Variants in ARHGAP21 observed in about 807,000 individuals in gnomAD.
ARHGAP21 encodes Rho GTPase activating protein 21.
A neutral mutation model predicts 164.6 loss-of-function variants in ARHGAP21; 38 were observed. The ratio of observed to expected loss-of-function variants is 0.23; its 90% CI spans 0.18 to 0.30. The LOEUF (loss-of-function observed/expected upper bound fraction) is 0.30. ARHGAP21 is among the 10% of genes least tolerant of loss of function. The pLI is 1.00. For synonymous variants in ARHGAP21, 766 were observed against 857.9 expected, an observed-to-expected ratio of 0.89 and a Z score of 1.87; for missense variants, 1,822 against 2,370.7, an observed-to-expected ratio of 0.77 and a Z score of 4.81.
chr10:24,588,779 AAAGGC>A (rs1369401781), intron 25 of ARHGAP21, among the ~76,000 whole-genome samples: 1 of 152,222 alleles, frequency 6.6e-6, no homozygotes, highest in East Asian at 1.9e-4. Flanking sequence ...ATTTCACTGA[AAAGGC>A]AAGACTATAC....
intron 14 of ARHGAP21, among the ~76,000 whole-genome samples, chr10:24,600,247 C>T (rs1481241574): frequency 6.7e-6 from 1 of 150,310 alleles, no homozygotes; most frequent in Non-Finnish European, 1.5e-5. Flanking sequence ...GTTCTCTTAA[C>T]AAAAATCATC....
intron 4 of ARHGAP21, among the ~76,000 whole-genome samples, chr10:24,666,062 C>T (rs1840165669): frequency 6.6e-6 from 1 of 152,208 alleles, no homozygotes; most frequent in Non-Finnish European, 1.5e-5. Flanking sequence ...CGGAGTCTCG[C>T]CCTGTCCCCC....
intron 9 of ARHGAP21, among the ~76,000 whole-genome samples, chr10:24,615,186 G>A (rs73606520): frequency 0.034 from 5,150 of 152,128 alleles, 263 homozygotes; most frequent in African/African-American, 0.11. Context: ...GTGAAATTCC[G>A]TCTCAAAAAC....
In ARHGAP21 at chr10:24,591,658, CCTT is replaced by C. The variant is rs2076336660; in HGVS notation, c.4025_4027del (p.Glu1342del). 11 of 1,614,052 alleles carry C rather than the reference CCTT, an allele frequency of 6.8e-6. No individual in the cohort carries two copies. Among genetic ancestry groups the C allele is most frequent in the South Asian group, 2.2e-5 (2 of 91,078 alleles). ...AATACTTACAAGAGGCTCTTCAGCACCTTCTTCTGTGAAAAACCAGTCATGCTA... is the reference window on the plus strand; with the variant it reads ...AATACTTACAAGAGGCTCTTCAGCACCTTCTGTGAAAAACCAGTCATGCTA... On this transcript the variant is annotated inframe_deletion, in exon 23 of 26. Transcript: ENST00000396432.
Position 24,596,549 on chromosome 10 carries a change from ATTC to A in ARHGAP21, c.3477+188_3477+190del, listed in dbSNP as rs1396475734. The stretch of plus-strand genomic sequence containing the variant: ...ACAAATTCCTAATGGTTGAATAATT[ATTC>A]AATTTCGGAGTCAATACATTAGAAA... On this transcript the variant is annotated intron_variant, in intron 17 of 25. Transcript: ENST00000396432. The A allele has an allele frequency of 8.9e-6, 6 of 676,710 alleles. No individual in the cohort carries two copies. The African/African-American group carries it at 1.1e-4, about 13-fold the overall frequency. 41.9% of individuals were successfully genotyped at this position (676,710 alleles called of 1,614,324 possible). A position where few individuals can be genotyped will look rare whatever the true frequency, so the allele number is the denominator to read the frequency against.
chr10:24,652,352 A>T (rs1838265403), intron 4 of ARHGAP21, among the ~76,000 whole-genome samples: 1 of 152,224 alleles, frequency 6.6e-6, no homozygotes, highest in African/African-American at 2.4e-5. Flanking sequence ...TTTCAGGTGG[A>T]CTTTAGGCTT....
At chr10:24,665,274 T>C (rs2131718076) in intron 4 of ARHGAP21, among the ~76,000 whole-genome samples, 1 of 152,042 alleles carries the variant, frequency 6.6e-6, no homozygotes, top group Admixed American at 6.6e-5. Context: ...GAGTCCTGCC[T>C]GGCCTTACAC....
chr10:24,591,599 C>A (rs2076334620), intron 23 of ARHGAP21, 43 bp downstream of exon 23: 1 of 1,605,604 alleles, frequency 6.2e-7, no homozygotes, highest in Non-Finnish European at 8.5e-7. Flanking sequence ...TCTTGTGTCC[C>A]AAATGAAACT....
At chr10:24,713,181 C>G (rs920335273) in intron 2 of ARHGAP21, among the ~76,000 whole-genome samples, 1 of 151,930 alleles carries the variant, frequency 6.6e-6, no homozygotes, top group Non-Finnish European at 1.5e-5. Flanking sequence ...GTGCAATGAA[C>G]AAAAAAATAG....
intron 2 of ARHGAP21, among the ~76,000 whole-genome samples, chr10:24,720,043 G>A (rs1205354869): frequency 6.6e-6 from 1 of 152,076 alleles, no homozygotes; most frequent in Non-Finnish European, 1.5e-5. Flanking sequence ...AAACACAGGT[G>A]ATATTGTGTT....
At position 24,612,311 on chromosome 10, in the gene ARHGAP21, T is replaced by C. The variant is rs73606519; in HGVS notation, c.2423-4408A>G. 9.8e-3 allele frequency among the ~76,000 whole-genome samples: 1,495 copies of C among 152,186 alleles called. 24 individuals carry two copies. The highest frequency in any genetic ancestry group is 0.033 in the African/African-American group (1,369 of 41,510). The stretch of plus-strand genomic sequence containing the variant: ...TATTTCAATGACAGAGTAAACTATA[T>C]ATTGCAAAAAGAGGGGTAAATTTGT... On this transcript the variant is annotated intron_variant, in intron 9 of 25. Transcript: ENST00000396432.
intron 2 of ARHGAP21, among the ~76,000 whole-genome samples, chr10:24,717,200 G>A (rs908486227): frequency 6.6e-6 from 1 of 152,210 alleles, no homozygotes. Context: ...AAACCTCAAA[G>A]AGACAGAAGG....
At chr10:24,623,018 T>C (rs1480456667) in intron 7 of ARHGAP21, among the ~76,000 whole-genome samples, 1 of 152,202 alleles carries the variant, frequency 6.6e-6, no homozygotes, top group African/African-American at 2.4e-5. Context: ...TCTGGTGACA[T>C]GCATTCCTAA....
Position 24,621,153 on chromosome 10 carries a change from T to C in ARHGAP21, c.742A>G (p.Ile248Val), listed in dbSNP as rs1467987056. ...TQPGRAYRME[I>V]QVPPSPTDVA... The stretch of plus-strand genomic sequence containing the variant: ...TCTGTTGGTGATGGAGGCACTTGTA[T>C]TTCCATTCTATAGGCCCTACCAGGT... The change falls in exon 9 of 26, where the codon ATA (isoleucine) becomes GTA (valine). Residue 248 changes from isoleucine to valine, a missense_variant. Physicochemically the swap from Ile to Val is conservative, Grantham distance 29. Coordinates refer to ENST00000396432, the MANE Select transcript of ARHGAP21 (RefSeq NM_020824.4). The C allele has an allele frequency of 6.2e-6, 10 of 1,613,632 alleles. No homozygotes were observed. Among genetic ancestry groups the C allele is most frequent in the East Asian group, 2.2e-5 (1 of 44,886 alleles).
chr10:24,633,012 GAAGATTA>G (rs1173726337), intron 6 of ARHGAP21, among the ~76,000 whole-genome samples: 1 of 152,120 alleles, frequency 6.6e-6, no homozygotes, highest in African/African-American at 2.4e-5. Context: ...TTGAGGCTAG[GAAGATTA>G]TTCAAAAAGA....
chr10:24,683,095 C>CAAAAAAAAAAAAAAAAAA, intron 2 of ARHGAP21, among the ~76,000 whole-genome samples: 1 of 89,002 alleles, frequency 1.1e-5, no homozygotes, highest in Non-Finnish European at 2.5e-5. Flanking sequence ...AACTCCATCT[C>CAAAAAAAAAAAAAAAAAA]AAAAAAAAAA....
chr10:24,607,245 CATATT>C (rs1380077777), intron 11 of ARHGAP21, among the ~76,000 whole-genome samples: 1 of 152,122 alleles, frequency 6.6e-6, no homozygotes, highest in Non-Finnish European at 1.5e-5. Context: ...AAAACAGTAA[CATATT>C]ATGTCTGAAT....
At chr10:24,612,565 T>C (rs2077308091) in intron 9 of ARHGAP21, among the ~76,000 whole-genome samples, 1 of 152,126 alleles carries the variant, frequency 6.6e-6, no homozygotes, top group African/African-American at 2.4e-5. Flanking sequence ...GTCTTAAAAA[T>C]AAATTCAGGC....
chr10:24,621,086 C>T lies in ARHGAP21; in HGVS notation c.809G>A (p.Ser270Asn). Residue 270 changes from serine (S) to asparagine (N), a missense_variant, in exon 9 of 26, where the codon AGT becomes AAT. Transcript: ENST00000396432. ...SNTAVCVCNE[S>N]VRTVIVPSEK... Reference sequence around the variant, plus strand: ...AGAAGGCACAATGACAGTCCTTACACTTTCATTGCAAACACACACTGCTGT... The same window carrying T: ...AGAAGGCACAATGACAGTCCTTACATTTTCATTGCAAACACACACTGCTGT... The T allele has an allele frequency of 6.2e-7, 1 of 1,613,980 alleles. No homozygotes were observed. Among genetic ancestry groups the T allele is most frequent in the East Asian group, 2.2e-5 (1 of 44,886 alleles).
Sources: allele counts gnomAD v4.1 joint callset (sites outside exome capture counted in the v4.1 genomes callset), GRCh38; gene constraint gnomAD v4.1.1; transcripts MANE v1.5; gene names NCBI Gene and HGNC (gene_info 2026-07-23, HGNC 2026-07-21).